Variants in JOSD1 observed in about 807,000 individuals in gnomAD.
The protein encoded by JOSD1 is Josephin domain containing 1.
In JOSD1, 11 loss-of-function variants were observed where a neutral mutation model predicts 24.3. The observed-to-expected ratio is 0.45, with a 90% CI of 0.29 to 0.75. JOSD1 has a LOEUF of 0.75. JOSD1 is among the 30% of genes least tolerant of loss of function. The pLI is 0.11. For missense variants in JOSD1, 184 were observed against 253.5 expected (o/e 0.73, Z 1.86); for synonymous variants, 106 against 93.8 (o/e 1.13, Z -0.75).
At chr22:38,695,722 C>T (rs1569265825) in intron 2 of JOSD1, among the ~76,000 whole-genome samples, 1 of 150,588 alleles carries the variant, frequency 6.6e-6, no homozygotes, top group African/African-American at 2.4e-5. Flanking sequence ...GCTGGGATTA[C>T]AGGCATAAGC....
intron 2 of JOSD1, among the ~76,000 whole-genome samples, chr22:38,689,856 T>C (rs2092513909): frequency 6.6e-6 from 1 of 151,720 alleles, no homozygotes; most frequent in Non-Finnish European, 1.5e-5. Flanking sequence ...GGGTTGGATA[T>C]AAGGCAATAA....
chr22:38,689,566 T>TGTAG, intron 2 of JOSD1, 142 bp from the exon 3 acceptor site: 1 of 1,094,708 alleles, frequency 9.1e-7, no homozygotes, highest in Non-Finnish European at 1.3e-6. Context: ...CCCCAGCTTC[T>TGTAG]ACCTAAGTAT....
intron 2 of JOSD1, among the ~76,000 whole-genome samples, chr22:38,699,109 T>C (rs1349054629): frequency 6.6e-6 from 1 of 152,228 alleles, no homozygotes; most frequent in Non-Finnish European, 1.5e-5. Flanking sequence ...AAAGGCCATC[T>C]AGAATAAAGG....
chr22:38,700,860 A>G lies in JOSD1; in HGVS notation c.-692T>C. 1.0e-6 allele frequency: 1 copy of G among 984,064 alleles called. No homozygotes were observed. The highest frequency in any genetic ancestry group is 1.1e-4 in the East Asian group (1 of 8,760). The allele number at this position is 984,064 out of a possible 1,614,324, so 61.0% of individuals were successfully genotyped here. On this transcript the variant is annotated 5_prime_UTR_variant, in exon 1 of 5. Coordinates refer to ENST00000683374, the MANE Select transcript of JOSD1 (RefSeq NM_001360236.2). The stretch of plus-strand genomic sequence containing the variant: ...CCTCCCGCCGCGCCCCCGGCCGCAG[A>G]CCCCAGGGCCGCCGGGACTGCTCGC...
Position 38,700,901 on chromosome 22 carries a change from C to T in JOSD1, c.-733G>A, listed in dbSNP as rs1432970079. On this transcript the variant is annotated 5_prime_UTR_variant, in exon 1 of 5. Transcript: ENST00000683374. ...GACTGCTCGCCGCTGGCGGTCCCCTCACCGCAGCCGGCCGCCACCTGGAGT... is the reference window on the plus strand; with the variant it reads ...GACTGCTCGCCGCTGGCGGTCCCCTTACCGCAGCCGGCCGCCACCTGGAGT... 1.0e-6 allele frequency: 1 copy of T among 984,426 alleles called. No homozygotes were observed. The highest frequency in any genetic ancestry group is 1.8e-5 in the African/African-American group (1 of 57,120). 61.0% of individuals were successfully genotyped at this position (984,426 alleles called of 1,614,324 possible).
chr22:38,700,802 C>T lies in JOSD1; in HGVS notation c.-634G>A, dbSNP rs1301663789. 2 of 985,006 alleles carry T rather than the reference C, an allele frequency of 2.0e-6. No individual in the cohort carries two copies. The highest frequency in any genetic ancestry group is 1.2e-6 in the Non-Finnish European group (1 of 829,942). The allele number at this position is 985,006 out of a possible 1,614,324, so 61.0% of individuals were successfully genotyped here. A position where few individuals can be genotyped will look rare whatever the true frequency, so the allele number is the denominator to read the frequency against. On this transcript the variant is annotated splice_region_variant and 5_prime_UTR_variant, in exon 1 of 5. Coordinates refer to ENST00000683374, the MANE Select transcript of JOSD1 (RefSeq NM_001360236.2). Reference sequence around the variant, plus strand: ...CGGCTCGCAGCCCCTACACAAACCTCCCCGCCCGTCACGTGAGCGCAGGCC... The same window carrying T: ...CGGCTCGCAGCCCCTACACAAACCTTCCCGCCCGTCACGTGAGCGCAGGCC...
chr22:38,697,249 C>T (rs2092549738), intron 2 of JOSD1, among the ~76,000 whole-genome samples: 1 of 152,252 alleles, frequency 6.6e-6, no homozygotes, highest in Non-Finnish European at 1.5e-5. Flanking sequence ...TCCTTTCACA[C>T]TTCTGTATTT....
intron 2 of JOSD1, among the ~76,000 whole-genome samples, chr22:38,697,839 G>A (rs533387132): frequency 6.6e-6 from 1 of 152,386 alleles, no homozygotes; most frequent in South Asian, 2.1e-4. Context: ...ATGTGTGTTA[G>A]TGATCCTATC....
chr22:38,691,410 C>T (rs1408903868), intron 2 of JOSD1, among the ~76,000 whole-genome samples: 1 of 151,860 alleles, frequency 6.6e-6, no homozygotes, highest in Non-Finnish European at 1.5e-5. Flanking sequence ...CAAACATACT[C>T]CTGCCACTGC....
At chr22:38,695,444 GTTT>G (rs536648160) in intron 2 of JOSD1, among the ~76,000 whole-genome samples, 148 of 114,734 alleles carry the variant, frequency 1.3e-3, no homozygotes, top group Non-Finnish European at 1.7e-3. Context: ...TTTTTGCCTA[GTTT>G]TTTTTTTTTT....
At chr22:38,695,278 C>G (rs1835572259) in intron 2 of JOSD1, among the ~76,000 whole-genome samples, 1 of 152,158 alleles carries the variant, frequency 6.6e-6, no homozygotes. Flanking sequence ...CACCATACTT[C>G]TAAATGTGGC....
In JOSD1 at chr22:38,700,462, T is replaced by G; in HGVS notation, c.-475A>C. 1.0e-6 allele frequency: 1 copy of G among 986,542 alleles called. No homozygotes were observed. The highest frequency in any genetic ancestry group is 4.6e-5 in the South Asian group (1 of 21,518). 61.1% of individuals were successfully genotyped at this position (986,542 alleles called of 1,614,324 possible). On this transcript the variant is annotated 5_prime_UTR_variant, in exon 2 of 5. Transcript: ENST00000683374. ...GACAAGGCCTGGGTGACGGATAAATTTAGCGCACGAGTCGAGTAGCTAGCG... is the reference window on the plus strand; with the variant it reads ...GACAAGGCCTGGGTGACGGATAAATGTAGCGCACGAGTCGAGTAGCTAGCG...
At chr22:38,697,613 G>A (rs1162532375) in intron 2 of JOSD1, among the ~76,000 whole-genome samples, 2 of 152,246 alleles carry the variant, frequency 1.3e-5, no homozygotes, top group Admixed American at 6.5e-5. Context: ...CTCTACAGGC[G>A]CTTCCAGTAC....
chr22:38,688,001 C>T lies in JOSD1; in HGVS notation c.510G>A (p.Arg170=), dbSNP rs1197469843. 8.7e-6 allele frequency: 14 copies of T among 1,608,570 alleles called. No individual in the cohort carries two copies. Among genetic ancestry groups the T allele is most frequent in the African/African-American group, 1.3e-5 (1 of 74,818 alleles). The stretch of plus-strand genomic sequence containing the variant: ...CTCGCAAATGATGTTTTAGAAACTT[C>T]CTATGGAAAAAGAGATAGAGAAAAT... ...PEWIGGESEL[R]KFLKHHLRGK... is the part of the protein sequence containing the mutation. The change falls in exon 5 of 5, where the codon AGG becomes AGA. Residue 170 remains arginine, a splice_region_variant and synonymous_variant. Transcript: ENST00000683374.
At chr22:38,688,076 G>A (rs1412816178) in intron 4 of JOSD1, 75 bp from the exon 5 acceptor site, 1 of 975,228 alleles carries the variant, frequency 1.0e-6, no homozygotes, top group Non-Finnish European at 1.6e-6. Context: ...AAAGTCACCT[G>A]AAACCTCACT....
chr22:38,688,428 A>G (rs562617692), intron 4 of JOSD1, among the ~76,000 whole-genome samples: 5 of 152,156 alleles, frequency 3.3e-5, no homozygotes, highest in South Asian at 2.1e-4. Context: ...ACGCCTGGCT[A>G]ATTTTTGTAT....
intron 2 of JOSD1, among the ~76,000 whole-genome samples, chr22:38,694,686 C>T (rs1479274613): frequency 6.6e-6 from 1 of 151,820 alleles, no homozygotes; most frequent in Admixed American, 6.6e-5. Context: ...CACGGTGAAA[C>T]CCCATCTCTA....
chr22:38,698,132 A>T (rs2092552973), intron 2 of JOSD1, among the ~76,000 whole-genome samples: 1 of 152,214 alleles, frequency 6.6e-6, no homozygotes, highest in Non-Finnish European at 1.5e-5. Context: ...ATATCTGATT[A>T]GGAGTAGGAG....
Position 38,699,915 on chromosome 22 carries a change from G to T in JOSD1, c.73C>A (p.Gln25Lys). The change falls in exon 2 of 5, where the codon CAA becomes AAA. Residue 25 changes from glutamine (Q) to lysine (K), a missense_variant. Coordinates refer to ENST00000683374, the MANE Select transcript of JOSD1 (RefSeq NM_001360236.2). ...CTGCGCTGTTTCTCATGGTAGATTT[G>T]TGGGGGTGCTGCCTGGGGCAGCTCC... is the stretch of plus-strand genomic sequence containing the variant. ...SLELPQAAPP[Q>K]IYHEKQRREL... 2 of 1,614,194 alleles carry T rather than the reference G, an allele frequency of 1.2e-6. No homozygotes were observed. Among genetic ancestry groups the T allele is most frequent in the Non-Finnish European group, 1.7e-6 (2 of 1,180,012 alleles).
Sources: gnomAD v4.1 joint callset for allele counts (sites outside exome capture counted in the v4.1 genomes callset) on GRCh38, gnomAD v4.1.1 for gene constraint, MANE v1.5 for transcripts, NCBI Gene and HGNC (gene_info 2026-07-23, HGNC 2026-07-21) for gene names.